PPP3CA: variants seen among roughly 807,000 people sequenced by gnomAD.
PPP3CA encodes CAM-PRP catalytic subunit.
A neutral mutation model predicts 66.5 loss-of-function variants in PPP3CA; 14 were observed. The observed-to-expected ratio is 0.21, with a 90% CI of 0.14 to 0.33. The LOEUF (loss-of-function observed/expected upper bound fraction) is 0.33, where lower values mean the gene tolerates loss of function less well. Among genes scored for constraint, PPP3CA ranks in the 10% least tolerant of loss-of-function variants. The pLI, the probability that PPP3CA is intolerant of heterozygous loss-of-function variation, is 1.00. For synonymous variants in PPP3CA, 232 were observed against 226.2 expected (o/e 1.03, Z -0.23); for missense variants, 317 against 639.5 (o/e 0.50, Z 5.44).
chr4:101,242,853 A>C (rs1726356474), intron 1 of PPP3CA, among the ~76,000 whole-genome samples: 1 of 152,142 alleles, frequency 6.6e-6, no homozygotes, highest in South Asian at 2.1e-4. Flanking sequence ...ACTGTAGCCC[A>C]GGAGTTGGAG....
chr4:101,328,665 A>G (rs577683727), intron 1 of PPP3CA, among the ~76,000 whole-genome samples: 12 of 152,334 alleles, frequency 7.9e-5, no homozygotes, highest in Admixed American at 7.2e-4. Flanking sequence ...ATTCTGTCAC[A>G]AGCAAGTCTA....
chr4:101,124,756 AAAGAAAGAAAG>A (rs1323797268), intron 2 of PPP3CA, among the ~76,000 whole-genome samples: 9 of 126,316 alleles, frequency 7.1e-5, no homozygotes, highest in Non-Finnish European at 1.3e-4. Flanking sequence ...AGAAAGAAAG[AAAGAAAGAAAG>A]AAAGAAAGAA....
At chr4:101,340,302 A>G (rs1302746559) in intron 1 of PPP3CA, among the ~76,000 whole-genome samples, 1 of 152,176 alleles carries the variant, frequency 6.6e-6, no homozygotes, top group African/African-American at 2.4e-5. Context: ...TGGATAAGGA[A>G]AACAAAAAGG....
At position 101,334,992 on chromosome 4, in the gene PPP3CA, A is replaced by C. The variant is rs149162786; in HGVS notation, c.58+11747T>G. On this transcript the variant is annotated intron_variant, in intron 1 of 13. Coordinates refer to ENST00000394854, the MANE Select transcript of PPP3CA (RefSeq NM_000944.5). ...CTGCAATTTATACAAAATGCCCACC[A>C]TGACAGTTGCAGCTCCATCCCTTCA... Among the ~76,000 whole-genome samples, 152 of 152,338 alleles carry C rather than the reference A, an allele frequency of 1.0e-3. 2 individuals are homozygous for C. The highest frequency in any genetic ancestry group is 3.4e-3 in the African/African-American group (143 of 41,580).
chr4:101,293,565 G>A (rs1325220569), intron 1 of PPP3CA, among the ~76,000 whole-genome samples: 2 of 152,162 alleles, frequency 1.3e-5, no homozygotes, highest in African/African-American at 2.4e-5. Flanking sequence ...TAGGCTTGAC[G>A]GTGGTATCAA....
intron 2 of PPP3CA, among the ~76,000 whole-genome samples, chr4:101,170,479 T>C (rs1202402174): frequency 6.6e-6 from 1 of 152,044 alleles, no homozygotes; most frequent in Non-Finnish European, 1.5e-5. Context: ...ATTTTGCATG[T>C]TACTACAAAT....
intron 1 of PPP3CA, among the ~76,000 whole-genome samples, chr4:101,254,306 T>C (rs1726771623): frequency 6.6e-6 from 1 of 152,052 alleles, no homozygotes; most frequent in African/African-American, 2.4e-5. Context: ...GAAAGAATTA[T>C]CAGATATAAT....
chr4:101,047,939 C>G (rs1727840134), intron 10 of PPP3CA, among the ~76,000 whole-genome samples: 1 of 152,022 alleles, frequency 6.6e-6, no homozygotes, highest in South Asian at 2.1e-4. Context: ...GATAATTATT[C>G]ATAAATATTA....
Position 101,289,437 on chromosome 4 carries a change from C to T in PPP3CA, c.58+57302G>A, listed in dbSNP as rs939415132. Reference sequence around the variant, plus strand: ...CTTCTTATAGAATGGGCTTAGCATACAATCACCCTCATTTGAGGTAGACTA... The same window carrying T: ...CTTCTTATAGAATGGGCTTAGCATATAATCACCCTCATTTGAGGTAGACTA... On this transcript the variant is annotated intron_variant, in intron 1 of 13. Coordinates refer to ENST00000394854, the MANE Select transcript of PPP3CA (RefSeq NM_000944.5). Among the ~76,000 whole-genome samples, 14 of 152,316 alleles carry T rather than the reference C, an allele frequency of 9.2e-5. No individual in the cohort carries two copies. The East Asian group carries it at 2.3e-3, about 25-fold the overall frequency.
At chr4:101,226,711 T>C (rs1030649576) in intron 1 of PPP3CA, among the ~76,000 whole-genome samples, 4 of 151,718 alleles carry the variant, frequency 2.6e-5, no homozygotes, top group African/African-American at 9.7e-5. Flanking sequence ...AATTTCTTTT[T>C]TTTTCATATG....
At chr4:101,171,668 C>A (rs1209023061) in intron 2 of PPP3CA, among the ~76,000 whole-genome samples, 1 of 152,028 alleles carries the variant, frequency 6.6e-6, no homozygotes, top group South Asian at 2.1e-4. Flanking sequence ...TCTAGAGTGC[C>A]CATGCTCAGT....
chr4:101,190,652 C>T (rs552094218), intron 2 of PPP3CA, among the ~76,000 whole-genome samples: 216 of 152,198 alleles, frequency 1.4e-3, no homozygotes, highest in Non-Finnish European at 2.4e-3. Flanking sequence ...TTGTTTGATA[C>T]ACTGTTCCAG....
chr4:101,282,397 C>T (rs1049518511), intron 1 of PPP3CA, among the ~76,000 whole-genome samples: 12 of 152,194 alleles, frequency 7.9e-5, no homozygotes, highest in African/African-American at 2.7e-4. Flanking sequence ...GTCCAGACCT[C>T]TTCCCAGAAG....
intron 1 of PPP3CA, among the ~76,000 whole-genome samples, chr4:101,235,045 A>T (rs1056753161): frequency 1.3e-5 from 2 of 151,780 alleles, no homozygotes; most frequent in African/African-American, 4.8e-5. Context: ...TAGTGAGTGA[A>T]TCAGATAGGT....
intron 3 of PPP3CA, among the ~76,000 whole-genome samples, chr4:101,102,791 G>A (rs1156337374): frequency 2.0e-5 from 3 of 152,110 alleles, no homozygotes; most frequent in Non-Finnish European, 4.4e-5. Flanking sequence ...GGTATCAGAT[G>A]GCTAACTTGA....
intron 2 of PPP3CA, among the ~76,000 whole-genome samples, chr4:101,141,509 A>G (rs1297920457): frequency 6.6e-6 from 1 of 152,180 alleles, no homozygotes; most frequent in Non-Finnish European, 1.5e-5. Flanking sequence ...TAAAAATACC[A>G]GGCCAATTCT....
chr4:101,304,654 C>T (rs1355658103), intron 1 of PPP3CA, among the ~76,000 whole-genome samples: 1 of 152,032 alleles, frequency 6.6e-6, no homozygotes, highest in South Asian at 2.1e-4. Flanking sequence ...GAATTACATT[C>T]AAAAATGAAT....
intron 1 of PPP3CA, among the ~76,000 whole-genome samples, chr4:101,295,086 G>A (rs1365711819): frequency 6.6e-6 from 1 of 151,418 alleles, no homozygotes; most frequent in Non-Finnish European, 1.5e-5. Flanking sequence ...TGGATCATGA[G>A]GTCAGGAGAT....
chr4:101,026,115 AG>A (rs1726636844), intron 13 of PPP3CA, 54 bp from the exon 14 acceptor site: 4 of 1,438,602 alleles, frequency 2.8e-6, no homozygotes, highest in Non-Finnish European at 3.8e-6. Flanking sequence ...AGGAAAACAA[AG>A]GGCACAGCTG....
Sources: allele counts gnomAD v4.1 joint callset (sites outside exome capture counted in the v4.1 genomes callset), GRCh38; gene constraint gnomAD v4.1.1; transcripts MANE v1.5; gene names NCBI Gene and HGNC (gene_info 2026-07-23, HGNC 2026-07-21).